AP5M1: variants seen among roughly 807,000 people sequenced by gnomAD.
AP5M1 encodes the protein adaptor related protein complex 5 subunit mu 1.
In AP5M1, 44 loss-of-function variants were observed where a neutral mutation model predicts 52.3. The observed-to-expected ratio is 0.84, with a 90% confidence interval of 0.66 to 1.08. AP5M1 has a LOEUF of 1.08. Ranked by LOEUF, AP5M1 falls within the 50% of genes least tolerant of loss-of-function variation. The pLI is 0.00. For synonymous variants in AP5M1, 213 were observed against 199.0 expected (o/e 1.07, Z -0.59); for missense variants, 526 against 568.4 (o/e 0.93, Z 0.76).
intron 6 of AP5M1, 30 bp downstream of exon 6, chr14:57,283,260 A>G (rs1190697064): frequency 2.4e-6 from 3 of 1,247,384 alleles, no homozygotes; most frequent in Admixed American, 4.1e-5. Context: ...TCACTACAGT[A>G]GCACCCTTCC....
intron 1 of AP5M1, chr14:57,273,892 G>A (rs991829885): frequency 6.7e-6 from 4 of 600,574 alleles, no homozygotes; most frequent in African/African-American, 3.7e-5. Flanking sequence ...TCTTATAGAT[G>A]CCTAAAACGG....
intron 2 of AP5M1, chr14:57,275,127 A>T (rs539150134): frequency 1.9e-6 from 1 of 527,210 alleles, no homozygotes; most frequent in Non-Finnish European, 3.3e-6. Context: ...TATTATTTTC[A>T]TAGTTTCTGT....
At chr14:57,270,671 G>T (rs1433752504) in intron 1 of AP5M1, among the ~76,000 whole-genome samples, 2 of 152,140 alleles carry the variant, frequency 1.3e-5, no homozygotes, top group African/African-American at 4.8e-5. Context: ...AGGCGCATCA[G>T]TCCGTACAAA....
chr14:57,269,410 C>T (rs1430891617), intron 1 of AP5M1, 22 bp downstream of exon 1: 2 of 1,611,950 alleles, frequency 1.2e-6, no homozygotes, highest in Admixed American at 1.7e-5. Context: ...TCTGAATCCT[C>T]AGGGATGATG....
Position 57,274,793 on chromosome 14 carries a change from A to G in AP5M1, c.624A>G (p.Gln208=), listed in dbSNP as rs762430402. ...CTGGGACGTACAAAGGAAAACCACA[A>G]GTTTCTATTTCTATCACTGAAAAGG... ...WKTGTYKGKP[Q]VSISITEKVK... The change falls in exon 2 of 8, where the codon CAA becomes CAG. Residue 208 remains glutamine, a synonymous_variant. Transcript: ENST00000261558. 3 of 1,614,196 alleles carry G rather than the reference A, an allele frequency of 1.9e-6. No homozygotes were observed. Among genetic ancestry groups the G allele is most frequent in the Admixed American group, 1.7e-5 (1 of 60,030 alleles).
chr14:57,283,253 C>A, intron 6 of AP5M1, 23 bp downstream of exon 6: 1 of 1,321,210 alleles, frequency 7.6e-7, no homozygotes, highest in Non-Finnish European at 1.1e-6. Flanking sequence ...ATACAGCTCA[C>A]TACAGTAGCA....
chr14:57,269,404 A>C lies in AP5M1; in HGVS notation c.74+16A>C, dbSNP rs756165870. ...GATTCTCCAGGTAAATGCAAATCTG[A>C]ATCCTCAGGGATGATGGATCAGAAG... On this transcript the variant is annotated intron_variant, in intron 1 of 7. Coordinates refer to ENST00000261558, the MANE Select transcript of AP5M1 (RefSeq NM_018229.4). 1 of 1,613,396 alleles carries C rather than the reference A, an allele frequency of 6.2e-7. No homozygotes were observed. The highest frequency in any genetic ancestry group is 8.5e-7 in the Non-Finnish European group (1 of 1,179,350).
intron 6 of AP5M1, among the ~76,000 whole-genome samples, chr14:57,285,086 G>A (rs1377221997): frequency 6.6e-6 from 1 of 151,900 alleles, no homozygotes; most frequent in East Asian, 1.9e-4. Context: ...TTGAAGGAGT[G>A]ATTAGAAAGG....
At chr14:57,286,866 T>G (rs1885319842) in intron 7 of AP5M1, among the ~76,000 whole-genome samples, 1 of 152,244 alleles carries the variant, frequency 6.6e-6, no homozygotes, top group East Asian at 1.9e-4. Context: ...TAGCAAATGT[T>G]GCAATCAATA....
intron 2 of AP5M1, among the ~76,000 whole-genome samples, chr14:57,278,784 A>C (rs80084953): frequency 0.021 from 3,206 of 152,316 alleles, 62 homozygotes; most frequent in Admixed American, 0.032. Context: ...GAAATGCAAG[A>C]ATCCAATATG....
chr14:57,284,159 A>C (rs560105070), intron 6 of AP5M1, among the ~76,000 whole-genome samples: 2 of 152,346 alleles, frequency 1.3e-5, no homozygotes, highest in African/African-American at 4.8e-5. Flanking sequence ...GGTGAAGTTT[A>C]AGCCAAACTC....
intron 6 of AP5M1, among the ~76,000 whole-genome samples, chr14:57,284,643 A>G (rs962473574): frequency 1.3e-5 from 2 of 152,190 alleles, no homozygotes; most frequent in Non-Finnish European, 2.9e-5. Flanking sequence ...CACTAATTAA[A>G]TACAGAGACA....
At chr14:57,288,355 G>A (rs1885357401) in intron 7 of AP5M1, among the ~76,000 whole-genome samples, 1 of 151,990 alleles carries the variant, frequency 6.6e-6, no homozygotes, top group African/African-American at 2.4e-5. Flanking sequence ...AACCAGTGAA[G>A]CAAACTATTT....
At position 57,274,892 on chromosome 14, in the gene AP5M1, G is replaced by T; in HGVS notation, c.720+3G>T. The T allele has an allele frequency of 6.2e-7, 1 of 1,614,084 alleles. No homozygotes were observed. Among genetic ancestry groups the T allele is most frequent in the South Asian group, 1.1e-5 (1 of 91,046 alleles). On this transcript the variant is annotated splice_donor_region_variant and intron_variant, in intron 2 of 7. Transcript: ENST00000261558. ...TTGTTGGAACAGTGACTTGCAAGGT[G>T]AGATTTTTCTCTGGTACTTGCTTTA...
chr14:57,278,771 A>C (rs879752583), intron 2 of AP5M1, among the ~76,000 whole-genome samples: 9 of 152,186 alleles, frequency 5.9e-5, no homozygotes, highest in Non-Finnish European at 1.3e-4. Context: ...TGATTTATTT[A>C]GGGAAATGCA....
At chr14:57,273,349 T>C (rs1457097410) in intron 1 of AP5M1, among the ~76,000 whole-genome samples, 2 of 152,230 alleles carry the variant, frequency 1.3e-5, no homozygotes, top group Non-Finnish European at 2.9e-5. Flanking sequence ...TGGTAAAAAC[T>C]GCTGATTTGT....
At chr14:57,283,049 T>C (rs1885222247) in intron 5 of AP5M1, 30 bp downstream of exon 5, 2 of 1,571,150 alleles carry the variant, frequency 1.3e-6, no homozygotes, top group Non-Finnish European at 1.7e-6. Flanking sequence ...TGATTTTTTT[T>C]CTTTTCATTT....
chr14:57,280,634 G>C (rs1326967385), intron 3 of AP5M1, among the ~76,000 whole-genome samples: 1 of 152,158 alleles, frequency 6.6e-6, no homozygotes, highest in Admixed American at 6.5e-5. Flanking sequence ...TGGATCACTT[G>C]AGGTCAGGAG....
intron 3 of AP5M1, among the ~76,000 whole-genome samples, chr14:57,281,685 C>G (rs993850405): frequency 1.3e-5 from 2 of 152,238 alleles, no homozygotes; most frequent in Non-Finnish European, 2.9e-5. Flanking sequence ...GTTTCCTCTT[C>G]AGTCAGTCAT....
Sources: gnomAD v4.1 joint callset for allele counts (sites outside exome capture counted in the v4.1 genomes callset) on GRCh38, gnomAD v4.1.1 for gene constraint, MANE v1.5 for transcripts, NCBI Gene and HGNC (gene_info 2026-07-23, HGNC 2026-07-21) for gene names.